Variants in CATSPERE observed in about 807,000 individuals in gnomAD.
CATSPERE encodes catsper channel auxiliary subunit epsilon.
In CATSPERE, 93 loss-of-function variants were observed where a neutral mutation model predicts 114.1. That is an observed-to-expected ratio of 0.81 (90% CI 0.69 to 0.97). The LOEUF is 0.97. Among genes scored for constraint, CATSPERE ranks in the 50% least tolerant of loss-of-function variants. The probability of loss-of-function intolerance (pLI) is 0.00; values close to 1 mark genes in which losing one functional copy is unlikely to be tolerated. For missense variants in CATSPERE, 1,058 were observed against 1,131.6 expected (o/e 0.93, Z 0.93); for synonymous variants, 341 against 384.1 (o/e 0.89, Z 1.31).
chr1:244,514,072 T>C (rs1237719598), intron 7 of CATSPERE, among the ~76,000 whole-genome samples: 1 of 152,226 alleles, frequency 6.6e-6, no homozygotes, highest in Non-Finnish European at 1.5e-5. Flanking sequence ...CATAGGGACT[T>C]TTGAGGCACA....
chr1:244,477,253 C>G (rs1015811734), intron 2 of CATSPERE, among the ~76,000 whole-genome samples: 1 of 152,176 alleles, frequency 6.6e-6, no homozygotes, highest in Non-Finnish European at 1.5e-5. Context: ...GCGTCGGCCT[C>G]CCAAAGTGCT....
intron 10 of CATSPERE, 65 bp from the exon 11 acceptor site, chr1:244,572,265 C>T (rs907503495): frequency 2.3e-5 from 18 of 792,294 alleles, no homozygotes; most frequent in Admixed American, 8.8e-5. Flanking sequence ...GTTAAAAGTA[C>T]ACTTAACTAA....
intron 10 of CATSPERE, among the ~76,000 whole-genome samples, chr1:244,567,830 GCCTAC>G (rs1663826035): frequency 6.6e-6 from 1 of 151,972 alleles, no homozygotes; most frequent in Admixed American, 6.6e-5. Context: ...CCCCTCTGAA[GCCTAC>G]TTATGTCAGT....
chr1:244,553,616 C>CACACACACACACACATATATACAT, intron 9 of CATSPERE, among the ~76,000 whole-genome samples: 11 of 130,196 alleles, frequency 8.4e-5, no homozygotes, highest in African/African-American at 3.2e-4. Context: ...CACACACACA[C>CACACACACACACACATATATACAT]ACACACACAC....
chr1:244,606,313 T>G (rs1451660882), intron 18 of CATSPERE, among the ~76,000 whole-genome samples: 1 of 152,004 alleles, frequency 6.6e-6, no homozygotes, highest in Non-Finnish European at 1.5e-5. Flanking sequence ...AGCAGAGTGG[T>G]CTTACCACTC....
At chr1:244,543,394 G>T (rs1316683631) in intron 8 of CATSPERE, among the ~76,000 whole-genome samples, 1 of 151,940 alleles carries the variant, frequency 6.6e-6, no homozygotes, top group Non-Finnish European at 1.5e-5. Context: ...TAGAAGGACA[G>T]ATACTGTATG....
intron 3 of CATSPERE, 92 bp from the exon 4 acceptor site, chr1:244,477,814 A>T: frequency 1.8e-6 from 2 of 1,098,876 alleles, no homozygotes; most frequent in Non-Finnish European, 2.7e-6. Context: ...ATCAGCATAC[A>T]ATTGAAATTT....
At chr1:244,634,780 G>T (rs1452521387) in intron 20 of CATSPERE, among the ~76,000 whole-genome samples, 1 of 152,250 alleles carries the variant, frequency 6.6e-6, no homozygotes, top group Non-Finnish European at 1.5e-5. Flanking sequence ...TTGCTGTGAA[G>T]ATCAACTAAG....
chr1:244,561,713 C>T (rs1162656516), intron 10 of CATSPERE, among the ~76,000 whole-genome samples: 1 of 147,944 alleles, frequency 6.8e-6, no homozygotes, highest in East Asian at 2.1e-4. Context: ...TTTTAGAGGT[C>T]AGATACCCAG....
intron 21 of CATSPERE, among the ~76,000 whole-genome samples, chr1:244,636,298 GGTTT>G (rs1674622582): frequency 6.7e-6 from 1 of 150,022 alleles, no homozygotes; most frequent in Admixed American, 6.6e-5. Context: ...TTGTTTGATG[GGTTT>G]TTTTTGCGGG....
intron 17 of CATSPERE, among the ~76,000 whole-genome samples, chr1:244,597,626 T>C (rs1170252101): frequency 6.6e-6 from 1 of 151,650 alleles, no homozygotes; most frequent in Non-Finnish European, 1.5e-5. Flanking sequence ...ATATAGCTCC[T>C]CTACTTTAAT....
upstream of CATSPERE, among the ~76,000 whole-genome samples, chr1:244,458,199 A>C (rs1464613630): frequency 6.6e-6 from 1 of 152,180 alleles, no homozygotes; most frequent in Non-Finnish European, 1.5e-5. Flanking sequence ...AAACCTTTCA[A>C]ATAGAAGAGG....
At chr1:244,489,733 A>G (rs1457258896) in intron 5 of CATSPERE, among the ~76,000 whole-genome samples, 1 of 151,990 alleles carries the variant, frequency 6.6e-6, no homozygotes, top group Non-Finnish European at 1.5e-5. Flanking sequence ...CTGTGCACCA[A>G]TTTCTTCTCA....
At chr1:244,574,458 T>C (rs928433196) in intron 11 of CATSPERE, among the ~76,000 whole-genome samples, 1 of 152,164 alleles carries the variant, frequency 6.6e-6, no homozygotes, top group Non-Finnish European at 1.5e-5. Flanking sequence ...ATTTATTCTT[T>C]AACAAGAAGG....
intron 7 of CATSPERE, among the ~76,000 whole-genome samples, chr1:244,510,589 T>C (rs1167198542): frequency 6.6e-6 from 1 of 152,164 alleles, no homozygotes; most frequent in Non-Finnish European, 1.5e-5. Flanking sequence ...TCTGTACTTT[T>C]TATGCAAAAT....
intron 2 of CATSPERE, among the ~76,000 whole-genome samples, chr1:244,475,312 C>A (rs1166831317): frequency 1.3e-5 from 2 of 151,754 alleles, no homozygotes; most frequent in Non-Finnish European, 2.9e-5. Context: ...CGGCTCACTG[C>A]AACCTCCTTC....
At chr1:244,455,954 T>C (rs1395155842) in intron 1 of CATSPERE, among the ~76,000 whole-genome samples, 1 of 152,236 alleles carries the variant, frequency 6.6e-6, no homozygotes, top group East Asian at 1.9e-4. Flanking sequence ...AGAGCTTTGG[T>C]GTATAACAAC....
intron 7 of CATSPERE, among the ~76,000 whole-genome samples, chr1:244,500,816 T>C (rs1047961852): frequency 6.6e-6 from 1 of 152,238 alleles, no homozygotes; most frequent in African/African-American, 2.4e-5. Context: ...TAGGATCGTC[T>C]TGGCTATTCA....
At chr1:244,534,630 CT>C (rs34792816) in intron 8 of CATSPERE, among the ~76,000 whole-genome samples, 1 of 152,074 alleles carries the variant, frequency 6.6e-6, no homozygotes, top group Non-Finnish European at 1.5e-5. Flanking sequence ...ACTTCAATCT[CT>C]TTTTTTAATT....
Sources: gnomAD v4.1 joint callset for allele counts (sites outside exome capture counted in the v4.1 genomes callset) on GRCh38, gnomAD v4.1.1 for gene constraint, MANE v1.5 for transcripts, NCBI Gene and HGNC (gene_info 2026-07-23, HGNC 2026-07-21) for gene names.